Variants in FNDC3A observed in about 807,000 individuals in gnomAD.
The protein encoded by FNDC3A is fibronectin type-III domain-containing protein 3A.
FNDC3A carries 32 observed loss-of-function variants against 148.9 expected under a neutral mutation model. The observed-to-expected ratio is 0.21, with a 90% confidence interval of 0.16 to 0.29. The LOEUF (loss-of-function observed/expected upper bound fraction) is 0.29, where lower values mean the gene tolerates loss of function less well. Among genes scored for constraint, FNDC3A ranks in the 10% least tolerant of loss-of-function variants. The pLI is 1.00. For synonymous variants in FNDC3A, 472 were observed against 473.6 expected, an observed-to-expected ratio of 1.00 and a Z score of 0.04; for missense variants, 1,191 against 1,452.8, an observed-to-expected ratio of 0.82 and a Z score of 2.93.
chr13:49,158,668 G>T (rs1442272961), intron 8 of FNDC3A, among the ~76,000 whole-genome samples: 1 of 152,170 alleles, frequency 6.6e-6, no homozygotes, highest in Non-Finnish European at 1.5e-5. Context: ...ATTGCTTTCG[G>T]TGTTTTAGTC....
At chr13:49,158,510 C>T (rs1883873061) in intron 8 of FNDC3A, among the ~76,000 whole-genome samples, 1 of 152,174 alleles carries the variant, frequency 6.6e-6, no homozygotes, top group African/African-American at 2.4e-5. Context: ...AGCTGTAGAC[C>T]GGAGCTGTTC....
In FNDC3A at chr13:49,068,300, G is replaced by T. The variant is rs578209497; in HGVS notation, c.100-6989G>T. On this transcript the variant is annotated intron_variant, in intron 2 of 25. Transcript: ENST00000492622. ...GATAGATTGAGCCCGGGAGGTCAAG[G>T]CTGCAGTGAACTGTGATGGCACCAT... is the stretch of plus-strand genomic sequence containing the variant. Among the ~76,000 whole-genome samples, 3 of 152,160 alleles carry T rather than the reference G, an allele frequency of 2.0e-5. No homozygotes were observed. In the South Asian group the frequency reaches 6.2e-4, roughly 32 times the overall value.
At chr13:49,109,298 C>A (rs1000121873) in intron 3 of FNDC3A, among the ~76,000 whole-genome samples, 5 of 152,146 alleles carry the variant, frequency 3.3e-5, no homozygotes, top group African/African-American at 1.2e-4. Flanking sequence ...TAATTTCATT[C>A]TCACAACAAT....
intron 4 of FNDC3A, among the ~76,000 whole-genome samples, chr13:49,118,089 G>A (rs902677561): frequency 4.6e-5 from 7 of 152,090 alleles, no homozygotes; most frequent in African/African-American, 1.7e-4. Flanking sequence ...AAAATGTGTC[G>A]TTTTCATTAC....
At chr13:49,153,203 T>C (rs1316280910) in intron 8 of FNDC3A, among the ~76,000 whole-genome samples, 2 of 151,090 alleles carry the variant, frequency 1.3e-5, no homozygotes, top group Non-Finnish European at 3.0e-5. Context: ...TTTTTAATGA[T>C]TGCCATTCTA....
At chr13:49,193,444 A>G (rs567459042) in intron 19 of FNDC3A, among the ~76,000 whole-genome samples, 30 of 152,166 alleles carry the variant, frequency 2.0e-4, no homozygotes, top group African/African-American at 6.3e-4. Context: ...ACTTTTTTAT[A>G]GAGATGGGGG....
chr13:49,177,757 G>A (rs1272645055), intron 13 of FNDC3A, among the ~76,000 whole-genome samples: 1 of 152,074 alleles, frequency 6.6e-6, no homozygotes, highest in East Asian at 1.9e-4. Flanking sequence ...TGACCTATAT[G>A]AACCAACCTT....
chr13:49,019,204 G>A (rs1325227926), intron 2 of FNDC3A, among the ~76,000 whole-genome samples: 12 of 152,146 alleles, frequency 7.9e-5, no homozygotes, highest in East Asian at 1.9e-4. Context: ...CCCCAGCCTC[G>A]CTGCTGCCTT....
chr13:49,156,587 C>T (rs1046745555), intron 8 of FNDC3A, among the ~76,000 whole-genome samples: 2 of 148,556 alleles, frequency 1.3e-5, no homozygotes, highest in Admixed American at 6.7e-5. Flanking sequence ...TGATTTTGCT[C>T]GTTAGTTGAT....
intron 2 of FNDC3A, among the ~76,000 whole-genome samples, chr13:49,016,059 AT>A (rs1952492731): frequency 6.6e-6 from 1 of 152,188 alleles, no homozygotes; most frequent in African/African-American, 2.4e-5. Context: ...TTGGTCTAAA[AT>A]TCTCTTTTTT....
chr13:49,122,085 A>G (rs545406937), intron 4 of FNDC3A, among the ~76,000 whole-genome samples: 4 of 152,336 alleles, frequency 2.6e-5, no homozygotes, highest in East Asian at 1.9e-4. Flanking sequence ...ATGAAGATCA[A>G]TGTGAAAATC....
chr13:49,165,337 T>C (rs1050647060), intron 8 of FNDC3A, among the ~76,000 whole-genome samples: 14 of 152,226 alleles, frequency 9.2e-5, no homozygotes, highest in Non-Finnish European at 1.9e-4. Context: ...GGAGGACTTT[T>C]TCCTGAAGAT....
chr13:49,138,333 A>G (rs1882500192), intron 6 of FNDC3A, among the ~76,000 whole-genome samples: 1 of 152,180 alleles, frequency 6.6e-6, no homozygotes. Context: ...AGCCAATTAT[A>G]TTTCTAATTT....
intron 2 of FNDC3A, among the ~76,000 whole-genome samples, chr13:49,033,529 A>G (rs1354067797): frequency 6.6e-6 from 1 of 152,162 alleles, no homozygotes; most frequent in African/African-American, 2.4e-5. Context: ...CTTGCCAGTG[A>G]AAATTACCTT....
chr13:49,044,067 AC>A (rs1295899618), intron 2 of FNDC3A: 1 of 169,270 alleles, frequency 5.9e-6, no homozygotes, highest in Non-Finnish European at 1.3e-5. Context: ...TAATTAGCAG[AC>A]TGGTTTCCAT....
chr13:49,044,944 C>T, intron 2 of FNDC3A: 1 of 296,322 alleles, frequency 3.4e-6, no homozygotes, highest in Non-Finnish European at 6.6e-6. Flanking sequence ...ATGTACTACC[C>T]TGAGTAAAGA....
chr13:49,160,128 C>T (rs1193535657), intron 8 of FNDC3A, among the ~76,000 whole-genome samples: 5 of 152,218 alleles, frequency 3.3e-5, no homozygotes, highest in Non-Finnish European at 5.9e-5. Context: ...TGATGCTGGC[C>T]TCATAAAATG....
At chr13:48,977,191 T>G (rs1184914362) in intron 1 of FNDC3A, among the ~76,000 whole-genome samples, 2 of 152,156 alleles carry the variant, frequency 1.3e-5, no homozygotes, top group African/African-American at 4.8e-5. Flanking sequence ...TTTTTTTTTC[T>G]TTTTGCGGTA....
At chr13:49,179,976 G>A (rs970491094) in intron 14 of FNDC3A, among the ~76,000 whole-genome samples, 3 of 152,060 alleles carry the variant, frequency 2.0e-5, no homozygotes, top group African/African-American at 7.3e-5. Context: ...ACACAGCTAG[G>A]AACTATATGT....
Sources: allele counts gnomAD v4.1 joint callset (sites outside exome capture counted in the v4.1 genomes callset), GRCh38; gene constraint gnomAD v4.1.1; transcripts MANE v1.5; gene names NCBI Gene and HGNC (gene_info 2026-07-23, HGNC 2026-07-21).